Variants in PAX2 observed in about 807,000 individuals in gnomAD.
PAX2 encodes the protein paired box 2.
In PAX2, 9 loss-of-function variants were observed where a neutral mutation model predicts 41.7. That is an observed-to-expected ratio of 0.22 (90% CI 0.13 to 0.38). The LOEUF is 0.38. Among genes scored for constraint, PAX2 ranks in the 10% least tolerant of loss-of-function variants. PAX2 has a pLI of 1.00. For synonymous variants in PAX2, 221 were observed against 212.7 expected, an observed-to-expected ratio of 1.04 and a Z score of -0.34; for missense variants, 418 against 531.6, an observed-to-expected ratio of 0.79 and a Z score of 2.10.
chr10:100,762,855 T>A (rs1427891210), intron 3 of PAX2, among the ~76,000 whole-genome samples: 1 of 152,164 alleles, frequency 6.6e-6, no homozygotes, highest in Non-Finnish European at 1.5e-5. Flanking sequence ...CCAGAGAGTG[T>A]CAGTATGCAG....
chr10:100,748,125 G>A lies in PAX2; in HGVS notation c.44-1621G>A. The A allele has an allele frequency of 9.1e-6, 9 of 985,180 alleles. No individual in the cohort carries two copies. Among genetic ancestry groups the A allele is most frequent in the Non-Finnish European group, 1.1e-5 (9 of 829,910 alleles). 61.0% of individuals were successfully genotyped at this position (985,180 alleles called of 1,614,324 possible). ...TCCCCCAGCCCTGGACTCCCGCCGT[G>A]TCCCCTTCCCATCCCCACCCCTTAG... On this transcript the variant is annotated intron_variant, in intron 1 of 9. Transcript: ENST00000355243. This position sits in a 1 kb window ranked among gnomAD's most constrained non-coding sequence, Gnocchi z 5.0.
At chr10:100,807,604 G>A (rs1279955546) in intron 6 of PAX2, among the ~76,000 whole-genome samples, 1 of 152,168 alleles carries the variant, frequency 6.6e-6, no homozygotes, top group East Asian at 1.9e-4. Flanking sequence ...GGAGCCAGTG[G>A]GTGTGTGCTG....
chr10:100,787,419 G>A (rs776208754), intron 5 of PAX2, among the ~76,000 whole-genome samples: 12 of 152,192 alleles, frequency 7.9e-5, no homozygotes, highest in African/African-American at 1.2e-4. Context: ...AATCAATTTT[G>A]AAGGTAATTT....
chr10:100,746,251 C>T lies in PAX2; in HGVS notation c.-10C>T, dbSNP rs1240049764. The T allele has an allele frequency of 6.2e-7, 1 of 1,613,800 alleles. No homozygotes were observed. The highest frequency in any genetic ancestry group is 8.5e-7 in the Non-Finnish European group (1 of 1,179,860). On this transcript the variant is annotated 5_prime_UTR_variant, in exon 1 of 10. Coordinates refer to ENST00000355243, the MANE Select transcript of PAX2 (RefSeq NM_000278.5). ...CGGCGGCCGCGCTGCTCCCGCTCCT[C>T]TGCCTCCCCATGGATATGCACTGCA... is the stretch of plus-strand genomic sequence containing the variant.
chr10:100,739,020 C>CACACACAG (rs1337370496), intron 1 of PAX2, among the ~76,000 whole-genome samples: 1 of 149,700 alleles, frequency 6.7e-6, no homozygotes, highest in Non-Finnish European at 1.5e-5. Context: ...CGCGGACACA[C>CACACACAG]ACACACACAC....
At chr10:100,799,782 T>G (rs1051126936) in intron 5 of PAX2, among the ~76,000 whole-genome samples, 3 of 145,712 alleles carry the variant, frequency 2.1e-5, no homozygotes, top group Non-Finnish European at 4.5e-5. Context: ...CTGAAGTTAG[T>G]GTAATTCTTT....
intron 4 of PAX2, 110 bp downstream of exon 4, chr10:100,779,693 T>C (rs1013538576): frequency 1.2e-5 from 10 of 819,838 alleles, no homozygotes; most frequent in Non-Finnish European, 1.9e-5. Context: ...GAGCCCAACC[T>C]ATTTGCCAAC....
At position 100,814,077 on chromosome 10, in the gene PAX2, G is replaced by C. The variant is rs984311946; in HGVS notation, c.919+4841G>C. On this transcript the variant is annotated intron_variant, in intron 7 of 9. Transcript: ENST00000355243. ...AAAAAAGATCAAAGGGGCCGGGCGC[G>C]GTGGCTCACGCCTGTAATCCCAGCA... 2.0e-4 allele frequency among the ~76,000 whole-genome samples: 31 copies of C among 152,006 alleles called. 1 individual carries two copies.
chr10:100,814,296 G>A (rs1446579469), intron 7 of PAX2, among the ~76,000 whole-genome samples: 1 of 143,022 alleles, frequency 7.0e-6, no homozygotes, highest in African/African-American at 2.7e-5. Flanking sequence ...AGCTTGCAGT[G>A]AGCTGAGATC....
In PAX2 at chr10:100,828,941, G is replaced by T; in HGVS notation, c.*1322G>T. The T allele has an allele frequency of 1.4e-5, 2 of 139,102 alleles. No homozygotes were observed. Among genetic ancestry groups the T allele is most frequent in the Non-Finnish European group, 1.5e-5 (1 of 67,302 alleles). 8.6% of individuals were successfully genotyped at this position (139,102 alleles called of 1,614,324 possible). A position where few individuals can be genotyped will look rare whatever the true frequency, so the allele number is the denominator to read the frequency against. On this transcript the variant is annotated 3_prime_UTR_variant, in exon 10 of 10. Transcript: ENST00000355243. The surrounding 1 kb of genome is among the most constrained non-coding windows in gnomAD (Gnocchi z 6.5). ...CCTCCGCCCCGCCCCGCCCGGCCCCGTAGAGTCCCTGTCGCCCGCCGGCCC... is the reference window on the plus strand; with the variant it reads ...CCTCCGCCCCGCCCCGCCCGGCCCCTTAGAGTCCCTGTCGCCCGCCGGCCC...
chr10:100,777,471 T>C (rs1206902250), intron 3 of PAX2, among the ~76,000 whole-genome samples: 2 of 149,448 alleles, frequency 1.3e-5, no homozygotes, highest in Admixed American at 6.8e-5. Flanking sequence ...CTTGGCTCAC[T>C]GCAACCTCCG....
intron 5 of PAX2, among the ~76,000 whole-genome samples, chr10:100,802,417 C>CA (rs1229423917): frequency 6.6e-6 from 1 of 152,178 alleles, no homozygotes; most frequent in East Asian, 1.9e-4. Flanking sequence ...TTGGTAGAGG[C>CA]ACCAGAGATG....
At chr10:100,818,253 A>G (rs1848254926) in intron 7 of PAX2, among the ~76,000 whole-genome samples, 1 of 152,236 alleles carries the variant, frequency 6.6e-6, no homozygotes, top group African/African-American at 2.4e-5. Flanking sequence ...AACTTTTGCT[A>G]TATAAATCTA....
At chr10:100,739,510 C>G (rs1262115193) in intron 1 of PAX2, among the ~76,000 whole-genome samples, 1 of 152,208 alleles carries the variant, frequency 6.6e-6, no homozygotes, top group South Asian at 2.1e-4. Flanking sequence ...AAACTCAGCG[C>G]GGGTCCTCCC....
chr10:100,781,473 T>G (rs1189497350), intron 5 of PAX2, 108 bp downstream of exon 5: 11 of 1,210,476 alleles, frequency 9.1e-6, no homozygotes, highest in Non-Finnish European at 1.2e-5. Context: ...AGATCAATTT[T>G]AGTAGCAAAG....
intron 3 of PAX2, among the ~76,000 whole-genome samples, chr10:100,766,070 G>A (rs1846018266): frequency 6.6e-6 from 1 of 152,174 alleles, no homozygotes; most frequent in South Asian, 2.1e-4. Flanking sequence ...GAGGTAGCTG[G>A]AGTACAGAGA....
intron 7 of PAX2, among the ~76,000 whole-genome samples, chr10:100,823,026 A>G (rs1227908549): frequency 1.3e-5 from 2 of 152,200 alleles, no homozygotes; most frequent in South Asian, 2.1e-4. Context: ...AAGCAAAAAT[A>G]TTCTGTGGCA....
At chr10:100,788,858 A>T (rs796477280) in intron 5 of PAX2, among the ~76,000 whole-genome samples, 19 of 152,058 alleles carry the variant, frequency 1.2e-4, no homozygotes, top group African/African-American at 4.3e-4. Flanking sequence ...TAATTCTTGC[A>T]TGCACACACA....
Position 100,824,991 on chromosome 10 carries a change from CATG to C in PAX2, c.1021+243_1021+245del. 3.1e-6 allele frequency: 5 copies of C among 1,612,010 alleles called. No homozygotes were observed. The highest frequency in any genetic ancestry group is 4.2e-6 in the Non-Finnish European group (5 of 1,178,146). ...CCCTTGTGTGCAACCCACTGTATGT[CATG>C]GCCCCTCCACAGCGCCCACCCACCC... On this transcript the variant is annotated intron_variant, in intron 8 of 9. Transcript: ENST00000355243. The surrounding 1 kb of genome is among the most constrained non-coding windows in gnomAD (Gnocchi z 6.6).
Sources: allele counts gnomAD v4.1 joint callset (sites outside exome capture counted in the v4.1 genomes callset), GRCh38; gene constraint gnomAD v4.1.1; non-coding constraint Gnocchi (gnomAD v3.1); transcripts MANE v1.5; gene names NCBI Gene and HGNC (gene_info 2026-07-23, HGNC 2026-07-21).